The following XRCC5 variants were observed in gnomAD, a reference collection of about 807,000 sequenced individuals.
The protein encoded by XRCC5 is DNA repair protein Ku80.
Under a neutral mutation model 95.7 loss-of-function variants are expected in XRCC5, and 12 were observed. The observed-to-expected ratio is 0.13, with a 90% CI of 0.08 to 0.20. The LOEUF is 0.20. Among genes scored for constraint, XRCC5 ranks in the 10% least tolerant of loss-of-function variants. The pLI is 1.00. For synonymous variants in XRCC5, 281 were observed against 290.3 expected (o/e 0.97, Z 0.33); for missense variants, 595 against 873.9 (o/e 0.68, Z 4.02).
At chr2:216,184,875 C>T (rs139207912) in intron 16 of XRCC5, among the ~76,000 whole-genome samples, 15 of 152,316 alleles carry the variant, frequency 9.8e-5, no homozygotes, top group Middle Eastern at 3.4e-3. Context: ...TAGATCCCCT[C>T]CTCACCCTCC....
intron 6 of XRCC5, among the ~76,000 whole-genome samples, chr2:216,125,094 C>G (rs1430632529): frequency 6.6e-6 from 1 of 151,802 alleles, no homozygotes; most frequent in African/African-American, 2.4e-5. Flanking sequence ...CTTTAATATT[C>G]AGAATTGGAA....
Position 216,131,920 on chromosome 2 carries a change from A to G in XRCC5, c.1051-405A>G, listed in dbSNP as rs551986245. Reference sequence around the variant, plus strand: ...TGCCCAGACTTTTCTCTTAGTTCCTATTTGTCCTTTTAAGTCTCGACTTAG... The same window carrying G: ...TGCCCAGACTTTTCTCTTAGTTCCTGTTTGTCCTTTTAAGTCTCGACTTAG... On this transcript the variant is annotated intron_variant, in intron 9 of 20. Coordinates refer to ENST00000392132, the MANE Select transcript of XRCC5 (RefSeq NM_021141.4). Among the ~76,000 whole-genome samples the G allele has an allele frequency of 1.1e-4, 17 of 152,166 alleles. No homozygotes were observed. In the South Asian group the frequency reaches 1.9e-3, roughly 17 times the overall value.
chr2:216,203,544 C>T (rs192943075), intron 19 of XRCC5, among the ~76,000 whole-genome samples: 46 of 152,312 alleles, frequency 3.0e-4, no homozygotes, highest in Non-Finnish European at 6.0e-4. Context: ...ACTCACCTCA[C>T]TACCCTTTTA....
intron 1 of XRCC5, 43 bp from the exon 2 acceptor site, chr2:216,112,973 T>TA (rs1696615546): frequency 2.0e-6 from 3 of 1,482,612 alleles, no homozygotes; most frequent in African/African-American, 1.4e-5. Context: ...AGTCTTTTCT[T>TA]ACGACTTATT....
At position 216,125,961 on chromosome 2, in the gene XRCC5, A is replaced by G. The variant is rs765670880; in HGVS notation, c.728A>G (p.His243Arg). 12 of 1,614,060 alleles carry G rather than the reference A, an allele frequency of 7.4e-6. 1 individual carries two copies. In the South Asian group the frequency reaches 9.9e-5, roughly 13 times the overall value. Residue 243 changes from histidine to arginine, a missense_variant, in exon 7 of 21, where the codon CAT (histidine) becomes CGT (arginine). Physicochemically the swap from His to Arg is conservative, Grantham distance 29. Around this residue, in one of 2 missense-constraint regions of XRCC5, gnomAD observed 286 missense variants for 491.1 expected, o/e 0.58. Coordinates refer to ENST00000392132, the MANE Select transcript of XRCC5 (RefSeq NM_021141.4). ...TGCGTCTTCAAGAAAATTGAGAGGC[A>G]TTCCATTCACTGGCCCTGCCGACTG... is the stretch of plus-strand genomic sequence containing the variant. ...KLCVFKKIER[H>R]SIHWPCRLTI...
intron 16 of XRCC5, among the ~76,000 whole-genome samples, chr2:216,178,772 G>T (rs1388066740): frequency 6.6e-6 from 1 of 152,122 alleles, no homozygotes; most frequent in African/African-American, 2.4e-5. Flanking sequence ...GGGGATAAAA[G>T]AGAGTTCTAG....
At chr2:216,190,074 T>C in intron 16 of XRCC5, 151 bp from the exon 17 acceptor site, 1 of 522,972 alleles carries the variant, frequency 1.9e-6, no homozygotes, top group Non-Finnish European at 3.3e-6. Flanking sequence ...GAATTTTGCA[T>C]CTCATCTCTC....
At chr2:216,119,946 C>T (rs1696776028) in intron 5 of XRCC5, among the ~76,000 whole-genome samples, 1 of 152,184 alleles carries the variant, frequency 6.6e-6, no homozygotes, top group African/African-American at 2.4e-5. Flanking sequence ...TATTAATCTT[C>T]TGGGAATACT....
At chr2:216,180,486 C>A (rs1048625090) in intron 16 of XRCC5, among the ~76,000 whole-genome samples, 2 of 152,156 alleles carry the variant, frequency 1.3e-5, no homozygotes, top group Non-Finnish European at 2.9e-5. Flanking sequence ...ATCAGTCGTG[C>A]ATGATGGCTT....
At chr2:216,150,693 C>T (rs1031700329) in intron 14 of XRCC5, among the ~76,000 whole-genome samples, 1 of 151,916 alleles carries the variant, frequency 6.6e-6, no homozygotes, top group East Asian at 1.9e-4. Context: ...GACAGTCTGG[C>T]CAACATTTTT....
chr2:216,119,878 CAT>C (rs1327000956), intron 5 of XRCC5, among the ~76,000 whole-genome samples: 1 of 152,182 alleles, frequency 6.6e-6, no homozygotes, highest in Non-Finnish European at 1.5e-5. Context: ...GCATTTGAAA[CAT>C]ATTTTTTCTT....
chr2:216,117,098 G>A, intron 3 of XRCC5: 1 of 504,866 alleles, frequency 2.0e-6, no homozygotes, highest in Non-Finnish European at 3.6e-6. Flanking sequence ...CATAGGAAGG[G>A]GGAAGATCCT....
rs993337731 is a variant in XRCC5, at chr2:216,193,352, A to G, written c.2041+617A>G. Among the ~76,000 whole-genome samples, 8 of 152,252 alleles carry G rather than the reference A, an allele frequency of 5.3e-5. No homozygotes were observed. The East Asian group carries it at 1.5e-3, about 29-fold the overall frequency. ...AAACATGACCTGATTTTCTTTTAGA[A>G]CCCAAGTATAAGATATTACTTGTTT... On this transcript the variant is annotated intron_variant, in intron 18 of 20. Coordinates refer to ENST00000392132, the MANE Select transcript of XRCC5 (RefSeq NM_021141.4).
chr2:216,157,106 C>T (rs1280937117), intron 14 of XRCC5, among the ~76,000 whole-genome samples: 1 of 152,186 alleles, frequency 6.6e-6, no homozygotes, highest in African/African-American at 2.4e-5. Flanking sequence ...TAGAGAAAAC[C>T]ATTTTCTTTC....
At chr2:216,178,717 A>G (rs1689323872) in intron 16 of XRCC5, among the ~76,000 whole-genome samples, 1 of 152,120 alleles carries the variant, frequency 6.6e-6, no homozygotes, top group Non-Finnish European at 1.5e-5. Context: ...CCTTCAATAG[A>G]GCTTTATTGT....
chr2:216,165,418 C>G (rs894372490), intron 16 of XRCC5, among the ~76,000 whole-genome samples: 2 of 152,204 alleles, frequency 1.3e-5, no homozygotes, highest in Non-Finnish European at 2.9e-5. Flanking sequence ...ACAGAGCTGT[C>G]GGAAAATGGA....
At chr2:216,121,518 A>G (rs980964995) in intron 5 of XRCC5, among the ~76,000 whole-genome samples, 1 of 152,204 alleles carries the variant, frequency 6.6e-6, no homozygotes. Flanking sequence ...GTGGAAGGAC[A>G]TAAAAGGCAA....
chr2:216,127,784 TAGAA>T, intron 8 of XRCC5, 110 bp downstream of exon 8: 2 of 1,244,422 alleles, frequency 1.6e-6, no homozygotes, highest in Non-Finnish European at 2.2e-6. Flanking sequence ...CTTTGAGTTA[TAGAA>T]ATATAACAGT....
chr2:216,115,924 G>A (rs1696687545), intron 2 of XRCC5, among the ~76,000 whole-genome samples: 1 of 151,376 alleles, frequency 6.6e-6, no homozygotes, highest in Admixed American at 6.6e-5. Flanking sequence ...TTTATACTTG[G>A]ACATAAGTAT....
Sources: gnomAD v4.1 joint callset for allele counts (sites outside exome capture counted in the v4.1 genomes callset) on GRCh38, gnomAD v4.1.1 for gene constraint, gnomAD v4.1.1 regional missense constraint, MANE v1.5 for transcripts, NCBI Gene and HGNC (gene_info 2026-07-23, HGNC 2026-07-21) for gene names.